XYLT1: variants seen among roughly 807,000 people sequenced by gnomAD.
The protein encoded by XYLT1 is beta-D-xylosyltransferase 1.
In XYLT1, 36 loss-of-function variants were observed where a neutral mutation model predicts 91.3. The ratio of observed to expected loss-of-function variants is 0.39; its 90% CI spans 0.30 to 0.52. The LOEUF (loss-of-function observed/expected upper bound fraction) is 0.52, where lower values mean the gene tolerates loss of function less well. Ranked by LOEUF, XYLT1 falls within the 20% of genes least tolerant of loss-of-function variation. The pLI is 0.68. For missense variants in XYLT1, 1,242 were observed against 1,284.5 expected (o/e 0.97, Z 0.51); for synonymous variants, 588 against 532.0 (o/e 1.11, Z -1.45).
intron 2 of XYLT1, among the ~76,000 whole-genome samples, chr16:17,303,790 C>A (rs1028186676): frequency 6.6e-6 from 1 of 152,202 alleles, no homozygotes; most frequent in Non-Finnish European, 1.5e-5. Flanking sequence ...TCTAGACAAT[C>A]CAGGCATTTG....
At chr16:17,254,541 T>C (rs1252330090) in intron 3 of XYLT1, among the ~76,000 whole-genome samples, 1 of 151,802 alleles carries the variant, frequency 6.6e-6, no homozygotes, top group African/African-American at 2.4e-5. Context: ...ATTACAGGCA[T>C]GCGCCACCAC....
rs1354379384 is a variant in XYLT1, at chr16:17,470,539, T to G, written c.258A>C (p.Gly86=). ...AARGGGGGGG[G]GGGGRGPQAR... ...CCTGGGGCCCCCGTCCTCCTCCTCC[T>G]CCGCCGCCGCCTCCTCCTCCTCCTC... Residue 86 remains glycine (G), a synonymous_variant, in exon 1 of 12, where the codon GGA becomes GGC. Transcript: ENST00000261381. 7.7e-5 allele frequency: 94 copies of G among 1,220,146 alleles called. No individual in the cohort carries two copies. The highest frequency in any genetic ancestry group is 1.7e-4 in the African/African-American group (11 of 63,450). The allele number at this position is 1,220,146 out of a possible 1,614,324, so 75.6% of individuals were successfully genotyped here.
Position 17,404,838 on chromosome 16 carries a change from C to T in XYLT1, c.364-46788G>A, listed in dbSNP as rs139737288. Among the ~76,000 whole-genome samples, 318 of 152,266 alleles carry T rather than the reference C, an allele frequency of 2.1e-3. 1 individual carries two copies. Among genetic ancestry groups the T allele is most frequent in the African/African-American group, 7.0e-3 (290 of 41,538 alleles). ...ATTCACAAAAGGCATGCAAACATAGCATAGGGATAGAAATACAGGCATAAA... is the reference window on the plus strand; with the variant it reads ...ATTCACAAAAGGCATGCAAACATAGTATAGGGATAGAAATACAGGCATAAA... On this transcript the variant is annotated intron_variant, in intron 1 of 11. Transcript: ENST00000261381.
chr16:17,235,615 A>G (rs1180262904), intron 3 of XYLT1, among the ~76,000 whole-genome samples: 1 of 152,188 alleles, frequency 6.6e-6, no homozygotes, highest in African/African-American at 2.4e-5. Context: ...TTATGCATTC[A>G]GGATACTGAG....
At chr16:17,215,831 G>A (rs1486270829) in intron 3 of XYLT1, among the ~76,000 whole-genome samples, 2 of 152,116 alleles carry the variant, frequency 1.3e-5, no homozygotes, top group South Asian at 2.1e-4. Context: ...AAGAGGAAGT[G>A]CAGAAGATGA....
intron 2 of XYLT1, among the ~76,000 whole-genome samples, chr16:17,262,714 C>T (rs1463759905): frequency 6.6e-6 from 1 of 152,182 alleles, no homozygotes; most frequent in African/African-American, 2.4e-5. Context: ...TCCAGCCACA[C>T]TCCTGCTGGT....
intron 3 of XYLT1, among the ~76,000 whole-genome samples, chr16:17,210,879 T>C (rs1053125797): frequency 1.3e-5 from 2 of 152,118 alleles, no homozygotes; most frequent in Non-Finnish European, 2.9e-5. Flanking sequence ...TCAGCAGCAC[T>C]CCCCTACTGA....
In XYLT1 at chr16:17,407,972, T is replaced by C. The variant is rs1175939605; in HGVS notation, c.364-49922A>G. On this transcript the variant is annotated intron_variant, in intron 1 of 11. Coordinates refer to ENST00000261381, the MANE Select transcript of XYLT1 (RefSeq NM_022166.4). ...CCTCTCTCTTGCTTTCTTGCTTACC[T>C]GTAATATCTGCACATGCCAACTCCC... Among the ~76,000 whole-genome samples, 6 of 152,334 alleles carry C rather than the reference T, an allele frequency of 3.9e-5. No homozygotes were observed. The East Asian group carries it at 9.7e-4, about 25-fold the overall frequency.
chr16:17,296,804 C>T (rs1358878198), intron 2 of XYLT1, among the ~76,000 whole-genome samples: 1 of 152,150 alleles, frequency 6.6e-6, no homozygotes, highest in Non-Finnish European at 1.5e-5. Flanking sequence ...CTGATATTAG[C>T]GAGGGCAAAG....
chr16:17,333,106 GA>G (rs1266423457), intron 2 of XYLT1, among the ~76,000 whole-genome samples: 3 of 151,422 alleles, frequency 2.0e-5, no homozygotes, highest in Non-Finnish European at 2.9e-5. Context: ...ATTTAAAATG[GA>G]AAAAAAACTG....
intron 1 of XYLT1, among the ~76,000 whole-genome samples, chr16:17,469,202 G>A (rs574407273): frequency 6.6e-6 from 1 of 152,208 alleles, no homozygotes; most frequent in African/African-American, 2.4e-5. Context: ...AAAGCATCAC[G>A]CTGTGTACTA....
intron 4 of XYLT1, 115 bp from the exon 5 acceptor site, chr16:17,198,529 C>T (rs2032476116): frequency 2.0e-6 from 2 of 1,007,964 alleles, no homozygotes; most frequent in East Asian, 2.6e-5. Context: ...CTTCTGAGCA[C>T]AGTGGCCTTT....
intron 3 of XYLT1, among the ~76,000 whole-genome samples, chr16:17,207,987 T>C (rs2032686772): frequency 6.6e-6 from 1 of 152,136 alleles, no homozygotes; most frequent in Admixed American, 6.5e-5. Context: ...AATGACTTTT[T>C]TTTCTTTTTC....
intron 2 of XYLT1, among the ~76,000 whole-genome samples, chr16:17,301,949 T>C (rs1464441390): frequency 2.0e-5 from 3 of 152,148 alleles, no homozygotes; most frequent in Non-Finnish European, 4.4e-5. Flanking sequence ...CAGTGGCTCA[T>C]GCCTGTAATC....
At chr16:17,145,765 G>T (rs1434006174) in intron 6 of XYLT1, among the ~76,000 whole-genome samples, 1 of 152,220 alleles carries the variant, frequency 6.6e-6, no homozygotes, top group Non-Finnish European at 1.5e-5. Context: ...GATGTGTGGG[G>T]AGGTTCTTAG....
chr16:17,319,721 G>A (rs536348127), intron 2 of XYLT1, among the ~76,000 whole-genome samples: 77 of 152,200 alleles, frequency 5.1e-4, no homozygotes, highest in Non-Finnish European at 8.2e-4. Context: ...GATTACAGGC[G>A]TGAGCCCCCA....
chr16:17,302,248 A>T (rs370430790), intron 2 of XYLT1, among the ~76,000 whole-genome samples: 61 of 152,110 alleles, frequency 4.0e-4, no homozygotes, highest in Non-Finnish European at 6.2e-4. Context: ...ATAATAATAA[A>T]AAAATACATG....
At position 17,188,949 on chromosome 16, in the gene XYLT1, T is replaced by C. The variant is rs138875697; in HGVS notation, c.1289+9263A>G. 5.4e-3 allele frequency among the ~76,000 whole-genome samples: 822 copies of C among 151,858 alleles called. 3 individuals carry two copies. The highest frequency in any genetic ancestry group is 0.019 in the African/African-American group (784 of 41,304). ...GGCTCCAGCCTGTACCCTTGACCAC[T>C]ACGATGAGGGCAGGGCTGGATATGT... On this transcript the variant is annotated intron_variant, in intron 5 of 11. Coordinates refer to ENST00000261381, the MANE Select transcript of XYLT1 (RefSeq NM_022166.4).
chr16:17,305,950 T>C (rs2034464708), intron 2 of XYLT1, among the ~76,000 whole-genome samples: 1 of 152,096 alleles, frequency 6.6e-6, no homozygotes, highest in Non-Finnish European at 1.5e-5. Context: ...CTCTCACTCC[T>C]CTGGCTAAGG....
Sources: gnomAD v4.1 joint callset for allele counts (sites outside exome capture counted in the v4.1 genomes callset) on GRCh38, gnomAD v4.1.1 for gene constraint, MANE v1.5 for transcripts, NCBI Gene and HGNC (gene_info 2026-07-23, HGNC 2026-07-21) for gene names.